CDH12: variants seen among roughly 807,000 people sequenced by gnomAD.
The protein encoded by CDH12 is cadherin 12, also known as cadherin-12.
A neutral mutation model predicts 74.1 loss-of-function variants in CDH12; 41 were observed. The observed-to-expected ratio is 0.55, with a 90% CI of 0.43 to 0.72. The LOEUF is 0.72. Ranked by LOEUF, CDH12 falls within the 30% of genes least tolerant of loss-of-function variation. CDH12 has a pLI of 0.00. For synonymous variants in CDH12, 399 were observed against 355.0 expected (o/e 1.12, Z -1.39); for missense variants, 945 against 977.2 (o/e 0.97, Z 0.44).
chr5:21,750,850 T>C lies in CDH12; in HGVS notation c.*887A>G, dbSNP rs1188519414. The C allele has an allele frequency of 6.6e-6, 1 of 152,152 alleles. No individual in the cohort carries two copies. Among genetic ancestry groups the C allele is most frequent in the Non-Finnish European group, 1.5e-5 (1 of 68,018 alleles). The allele number at this position is 152,152 out of a possible 1,614,324, so 9.4% of individuals were successfully genotyped here. ...GAATCTGGTGACTGTTAAAACCAAT[T>C]TTCCACACACCAGTACAATATTAAG... On this transcript the variant is annotated 3_prime_UTR_variant, in exon 15 of 15. Transcript: ENST00000382254.
chr5:22,362,863 T>C (rs1250964575), intron 3 of CDH12, among the ~76,000 whole-genome samples: 5 of 140,390 alleles, frequency 3.6e-5, no homozygotes, highest in East Asian at 2.1e-4. Context: ...TTCTCACTCA[T>C]AGGTGGGAAC....
intron 10 of CDH12, among the ~76,000 whole-genome samples, chr5:21,790,029 G>C (rs1164276998): frequency 6.6e-6 from 1 of 151,948 alleles, no homozygotes; most frequent in Non-Finnish European, 1.5e-5. Context: ...TGTCTTATTT[G>C]GGACAATCAA....
intron 4 of CDH12, among the ~76,000 whole-genome samples, chr5:22,119,925 A>G (rs1408245477): frequency 6.6e-6 from 1 of 152,170 alleles, no homozygotes; most frequent in Non-Finnish European, 1.5e-5. Flanking sequence ...AAACTTCATT[A>G]AAGAGGAGAC....
chr5:22,138,206 A>T (rs1014979285), intron 4 of CDH12, among the ~76,000 whole-genome samples: 3 of 151,956 alleles, frequency 2.0e-5, no homozygotes, highest in Non-Finnish European at 4.4e-5. Flanking sequence ...TTTCAAGCAC[A>T]ATTTAGATAA....
chr5:21,784,220 A>G (rs1746074908), intron 10 of CDH12, among the ~76,000 whole-genome samples: 1 of 152,170 alleles, frequency 6.6e-6, no homozygotes, highest in African/African-American at 2.4e-5. Flanking sequence ...AGCAAAATAG[A>G]AAATGCATGT....
At chr5:22,128,861 C>A (rs922786169) in intron 4 of CDH12, among the ~76,000 whole-genome samples, 1 of 152,160 alleles carries the variant, frequency 6.6e-6, no homozygotes, top group Non-Finnish European at 1.5e-5. Context: ...TGCACATTTG[C>A]ATGTCATGAT....
At chr5:22,290,022 T>C (rs1737313459) in intron 3 of CDH12, among the ~76,000 whole-genome samples, 2 of 152,080 alleles carry the variant, frequency 1.3e-5, no homozygotes, top group Non-Finnish European at 2.9e-5. Context: ...GCCCCAGGTA[T>C]CTGGAGCATC....
At chr5:22,562,502 T>C (rs928512682) in intron 1 of CDH12, among the ~76,000 whole-genome samples, 7 of 152,034 alleles carry the variant, frequency 4.6e-5, no homozygotes, top group African/African-American at 1.4e-4. Flanking sequence ...AAAATAAATA[T>C]ATGGATTTTC....
intron 1 of CDH12, among the ~76,000 whole-genome samples, chr5:22,729,827 T>C (rs577298638): frequency 1.3e-5 from 2 of 152,064 alleles, no homozygotes; most frequent in African/African-American, 4.8e-5. Context: ...CTGACTTCTA[T>C]ACGGCTCTCT....
At chr5:22,174,144 T>TA (rs2150331399) in intron 4 of CDH12, among the ~76,000 whole-genome samples, 1 of 152,054 alleles carries the variant, frequency 6.6e-6, no homozygotes, top group African/African-American at 2.4e-5. Flanking sequence ...AAGGTTGATG[T>TA]AAAAAATGTG....
chr5:22,831,371 C>CTGTGTG (rs70959760), intron 1 of CDH12, among the ~76,000 whole-genome samples: 2,055 of 146,732 alleles, frequency 0.014, 43 homozygotes, highest in African/African-American at 0.048. Context: ...GTGTGTGTGT[C>CTGTGTG]TGTGTGTGTG....
At chr5:22,764,086 TG>T (rs938323541) in intron 1 of CDH12, among the ~76,000 whole-genome samples, 1 of 151,838 alleles carries the variant, frequency 6.6e-6, no homozygotes, top group Admixed American at 6.6e-5. Context: ...TTTTTACATT[TG>T]TTTTTAAAAT....
chr5:22,342,223 G>A (rs1739884113), intron 3 of CDH12, among the ~76,000 whole-genome samples: 1 of 152,152 alleles, frequency 6.6e-6, no homozygotes, highest in African/African-American at 2.4e-5. Context: ...CTGGGGATAA[G>A]GGTTTCAACA....
chr5:22,363,065 A>G (rs1740887066), intron 3 of CDH12, among the ~76,000 whole-genome samples: 1 of 152,114 alleles, frequency 6.6e-6, no homozygotes, highest in African/African-American at 2.4e-5. Flanking sequence ...CATGTACCCT[A>G]GAACTTATAA....
intron 2 of CDH12, among the ~76,000 whole-genome samples, chr5:22,472,375 T>C (rs995465007): frequency 3.9e-5 from 6 of 152,104 alleles, no homozygotes; most frequent in Non-Finnish European, 7.4e-5. Flanking sequence ...CTTCCTCTTC[T>C]CTCTCTAAAT....
At chr5:22,206,902 T>C (rs1424755118) in intron 4 of CDH12, among the ~76,000 whole-genome samples, 1 of 151,256 alleles carries the variant, frequency 6.6e-6, no homozygotes, top group African/African-American at 2.4e-5. Flanking sequence ...TAGATAGTTA[T>C]CTTCAAGAGA....
chr5:21,956,290 AT>A (rs957054900), intron 6 of CDH12, among the ~76,000 whole-genome samples: 8 of 151,990 alleles, frequency 5.3e-5, no homozygotes, highest in African/African-American at 1.9e-4. Context: ...AATGCAAAAA[AT>A]AAGGGCACAA....
chr5:21,926,458 T>C (rs556311143), intron 6 of CDH12, among the ~76,000 whole-genome samples: 16 of 152,204 alleles, frequency 1.1e-4, no homozygotes, highest in Non-Finnish European at 1.9e-4. Flanking sequence ...TCTATATATC[T>C]ATCTATCTCT....
intron 1 of CDH12, among the ~76,000 whole-genome samples, chr5:22,783,119 A>AAAATGAC (rs1747464764): frequency 6.6e-6 from 1 of 152,208 alleles, no homozygotes; most frequent in Admixed American, 6.5e-5. Flanking sequence ...ATATCATATG[A>AAAATGAC]AAATGACTAG....
Sources: allele counts gnomAD v4.1 joint callset (sites outside exome capture counted in the v4.1 genomes callset), GRCh38; gene constraint gnomAD v4.1.1; transcripts MANE v1.5; gene names NCBI Gene and HGNC (gene_info 2026-07-23, HGNC 2026-07-21).